ZFYVE19: variants seen among roughly 807,000 people sequenced by gnomAD.
The protein encoded by ZFYVE19 is zinc finger FYVE-type containing 19.
In ZFYVE19, 49 loss-of-function variants were observed where a neutral mutation model predicts 62.8. The ratio of observed to expected loss-of-function variants is 0.78; its 90% confidence interval spans 0.62 to 0.99. The LOEUF (loss-of-function observed/expected upper bound fraction) is 0.99. Among genes scored for constraint, ZFYVE19 ranks in the 50% least tolerant of loss-of-function variants. The probability of loss-of-function intolerance (pLI) is 0.00; values close to 1 mark genes in which losing one functional copy is unlikely to be tolerated. For synonymous variants in ZFYVE19, 242 were observed against 234.3 expected, an observed-to-expected ratio of 1.03 and a Z score of -0.30; for missense variants, 630 against 601.9, an observed-to-expected ratio of 1.05 and a Z score of -0.49.
chr15:40,813,900 C>G, intron 9 of ZFYVE19, 43 bp from the exon 10 acceptor site: 1 of 1,592,482 alleles, frequency 6.3e-7, no homozygotes. Context: ...TCACATACCC[C>G]ACTGGGTACC....
At chr15:40,808,274 C>T in intron 1 of ZFYVE19, 1 of 1,597,418 alleles carries the variant, frequency 6.3e-7, no homozygotes, top group Non-Finnish European at 8.5e-7. Flanking sequence ...CTCCAGGTCG[C>T]TGGAGTTAGA....
intron 7 of ZFYVE19, among the ~76,000 whole-genome samples, chr15:40,813,116 C>T (rs1890548510): frequency 6.6e-6 from 1 of 152,142 alleles, no homozygotes; most frequent in African/African-American, 2.4e-5. Context: ...GGCTTTCGCT[C>T]CAGCCCCCAA....
intron 10 of ZFYVE19, 35 bp from the exon 11 acceptor site, chr15:40,814,113 C>T (rs1291929632): frequency 1.2e-6 from 2 of 1,614,198 alleles, no homozygotes; most frequent in East Asian, 2.2e-5. Flanking sequence ...TCAAGGGCTG[C>T]CTGGATCCCT....
At chr15:40,809,265 T>A in intron 2 of ZFYVE19, 25 bp downstream of exon 2, 1 of 1,613,438 alleles carries the variant, frequency 6.2e-7, no homozygotes, top group Non-Finnish European at 8.5e-7. Context: ...TGGGTGAAAG[T>A]TCAGCCAAGT....
chr15:40,813,505 G>A (rs2141980977), intron 8 of ZFYVE19, 88 bp downstream of exon 8: 4 of 1,396,966 alleles, frequency 2.9e-6, no homozygotes, highest in Admixed American at 2.0e-5. Flanking sequence ...GACAGTAACT[G>A]TGAAGCTCCT....
At chr15:40,809,705 T>C in intron 3 of ZFYVE19, 147 bp from the exon 4 acceptor site, 1 of 969,780 alleles carries the variant, frequency 1.0e-6, no homozygotes, top group East Asian at 2.4e-5. Flanking sequence ...GGCTGCAGGG[T>C]GACATGAGTG....
chr15:40,813,811 G>C lies in ZFYVE19; in HGVS notation c.1209G>C (p.Glu403Asp). ...CGCAACCCCGCGGGGCAGAGCCTGA[G>C]GTGAGAAAAGCCCCAGATGCAGACC... ...PWTQPRGAEPEAQDVDPRPEA... is the reference protein window; with the variant it reads ...PWTQPRGAEPDAQDVDPRPEA... The change falls in exon 9 of 11, where the codon GAG becomes GAC. Residue 403 changes from glutamate (E) to aspartate (D), a missense_variant and splice_region_variant. Physicochemically the swap from Glu to Asp is conservative, Grantham distance 45. Coordinates refer to ENST00000355341, the MANE Select transcript of ZFYVE19 (RefSeq NM_001077268.2). 2.5e-6 allele frequency: 4 copies of C among 1,612,546 alleles called. No individual in the cohort carries two copies. The highest frequency in any genetic ancestry group is 3.4e-6 in the Non-Finnish European group (4 of 1,179,426).
Position 40,809,121 on chromosome 15 carries a change from C to T in ZFYVE19, c.282C>T (p.Tyr94=), listed in dbSNP as rs1468721811. The T allele has an allele frequency of 1.9e-6, 3 of 1,613,880 alleles. No homozygotes were observed. Among genetic ancestry groups the T allele is most frequent in the Non-Finnish European group, 2.5e-6 (3 of 1,179,796 alleles). The part of the protein sequence containing the change: ...AVKFTLFKKE[Y]GCKNCGRAFC... ...CTCCCGCTTCATGTTTCTTGTAGTACGGCTGTAAGAATTGTGGCAGGGCCT... is the reference window on the plus strand; with the variant it reads ...CTCCCGCTTCATGTTTCTTGTAGTATGGCTGTAAGAATTGTGGCAGGGCCT... The change falls in exon 2 of 11, where the codon TAC becomes TAT. Residue 94 remains tyrosine (Y), a splice_region_variant and synonymous_variant. Transcript: ENST00000355341.
chr15:40,814,238 T>G lies in ZFYVE19; in HGVS notation c.*12T>G, dbSNP rs1890600121. 6.2e-7 allele frequency: 1 copy of G among 1,613,876 alleles called. No homozygotes were observed. Among genetic ancestry groups the G allele is most frequent in the Non-Finnish European group, 8.5e-7 (1 of 1,179,998 alleles). ...GCCAAGAGCACTGAAGACACCCTGG[T>G]CCTCCCGGAAGGGCAGTCCCACAGG... On this transcript the variant is annotated 3_prime_UTR_variant, in exon 11 of 11. Transcript: ENST00000355341.
chr15:40,810,142 C>A lies in ZFYVE19; in HGVS notation c.643C>A (p.Pro215Thr). ...AAAGGATGAACGTCAGGGTTCCATC[C>A]CTTCCACCCAGGAAATGGAGGCACG... is the stretch of plus-strand genomic sequence containing the variant. ...ALKDERQGSI[P>T]STQEMEARLA... The change falls in exon 5 of 11, where the codon CCT becomes ACT. Residue 215 changes from proline to threonine, a missense_variant. Transcript: ENST00000355341. 2 of 1,614,132 alleles carry A rather than the reference C, an allele frequency of 1.2e-6. No homozygotes were observed. Among genetic ancestry groups the A allele is most frequent in the South Asian group, 1.1e-5 (1 of 91,068 alleles).
At chr15:40,812,557 A>AAGAAAG in intron 6 of ZFYVE19, 142 bp from the exon 7 acceptor site, 1 of 464,444 alleles carries the variant, frequency 2.2e-6, no homozygotes, top group African/African-American at 2.5e-5. Context: ...AAAAAAAAAA[A>AAGAAAG]AAAGAAAGAA....
At chr15:40,808,107 T>A in intron 1 of ZFYVE19, 1 of 693,438 alleles carries the variant, frequency 1.4e-6, no homozygotes, top group Non-Finnish European at 2.1e-6. Context: ...TAAAGCGCGC[T>A]GCCGTCGTTT....
At chr15:40,808,029 T>G in intron 1 of ZFYVE19, 161 bp downstream of exon 1, 1 of 1,085,688 alleles carries the variant, frequency 9.2e-7, no homozygotes, top group Non-Finnish European at 1.4e-6. Context: ...GGGGCTAACA[T>G]TCTCTCGCTT....
chr15:40,813,946 C>G lies in ZFYVE19; in HGVS notation c.1213C>G (p.Gln405Glu), dbSNP rs1313614084. 6.2e-7 allele frequency: 1 copy of G among 1,606,918 alleles called. No individual in the cohort carries two copies. Among genetic ancestry groups the G allele is most frequent in the Non-Finnish European group, 8.5e-7 (1 of 1,176,178 alleles). ...CATTCCTCTCTGATCCCTGAAGGCC[C>G]AGGATGTGGACCCCAGGCCTGAGGC... ...TQPRGAEPEA[Q>E]DVDPRPEAEE... Residue 405 changes from glutamine to glutamate, a missense_variant, in exon 10 of 11, where the codon CAG (glutamine) becomes GAG (glutamate). Coordinates refer to ENST00000355341, the MANE Select transcript of ZFYVE19 (RefSeq NM_001077268.2).
In ZFYVE19 at chr15:40,813,035, G is replaced by A. The variant is rs1890546108; in HGVS notation, c.1030+133G>A. 4 of 1,049,484 alleles carry A rather than the reference G, an allele frequency of 3.8e-6. No homozygotes were observed. In the East Asian group the frequency reaches 1.0e-4, roughly 27 times the overall value. The allele number at this position is 1,049,484 out of a possible 1,614,324, so 65.0% of individuals were successfully genotyped here. A position where few individuals can be genotyped will look rare whatever the true frequency, so the allele number is the denominator to read the frequency against. ...GCCCAGAGCCACAAGGAAGGTGGTA[G>A]AGCAAAGCAGTGGGTGAGGAGTCAG... On this transcript the variant is annotated intron_variant, in intron 7 of 10. Coordinates refer to ENST00000355341, the MANE Select transcript of ZFYVE19 (RefSeq NM_001077268.2).
intron 6 of ZFYVE19, 122 bp downstream of exon 6, chr15:40,810,879 T>C: frequency 7.7e-7 from 1 of 1,298,342 alleles, no homozygotes; most frequent in South Asian, 1.5e-5. Context: ...TTATAAGAGT[T>C]ACCATTCATT....
At chr15:40,813,669 T>G in intron 8 of ZFYVE19, 44 bp from the exon 9 acceptor site, 1 of 1,556,700 alleles carries the variant, frequency 6.4e-7, no homozygotes, top group Non-Finnish European at 8.8e-7. Flanking sequence ...ATGGAGGGCC[T>G]GGGCCTGAAG....
Position 40,807,261 on chromosome 15 carries a change from C to T in ZFYVE19, c.-329C>T, listed in dbSNP as rs1439432577. 3.8e-6 allele frequency: 6 copies of T among 1,598,804 alleles called. No homozygotes were observed. The highest frequency in any genetic ancestry group is 2.2e-5 in the South Asian group (2 of 89,476). On this transcript the variant is annotated 5_prime_UTR_variant, in exon 1 of 11. Coordinates refer to ENST00000355341, the MANE Select transcript of ZFYVE19 (RefSeq NM_001077268.2). ...CATAGCGCCGACCCTCGCTCCCCGC[C>T]CAGGACCCGAATGAACCTGGAGAGC...
intron 3 of ZFYVE19, 101 bp from the exon 4 acceptor site, chr15:40,809,751 A>G (rs1890417744): frequency 7.6e-7 from 1 of 1,323,220 alleles, no homozygotes; most frequent in Non-Finnish European, 1.1e-6. Flanking sequence ...AGGCCTCCCT[A>G]AGTGCCCAGA....
Sources: gnomAD v4.1 joint callset for allele counts (sites outside exome capture counted in the v4.1 genomes callset) on GRCh38, gnomAD v4.1.1 for gene constraint, MANE v1.5 for transcripts, NCBI Gene and HGNC (gene_info 2026-07-23, HGNC 2026-07-21) for gene names.